Variants in LDB3 observed in about 807,000 individuals in gnomAD.
The protein encoded by LDB3 is LIM domain binding 3.
Under a neutral mutation model 69.0 loss-of-function variants are expected in LDB3, and 49 were observed. That is an observed-to-expected ratio of 0.71 (90% CI 0.56 to 0.90). The LOEUF (loss-of-function observed/expected upper bound fraction) is 0.90. Ranked by LOEUF, LDB3 falls within the 40% of genes least tolerant of loss-of-function variation. The probability of loss-of-function intolerance (pLI) is 0.00; values close to 1 mark genes in which losing one functional copy is unlikely to be tolerated. For missense variants in LDB3, 928 were observed against 974.1 expected, an observed-to-expected ratio of 0.95 and a Z score of 0.63; for synonymous variants, 387 against 396.2, an observed-to-expected ratio of 0.98 and a Z score of 0.28.
intron 8 of LDB3, among the ~76,000 whole-genome samples, chr10:86,707,608 C>T (rs538510478): frequency 6.6e-6 from 1 of 152,296 alleles, no homozygotes; most frequent in East Asian, 1.9e-4. Flanking sequence ...TGTTTGGGGT[C>T]AGAGCCCAGG....
At position 86,699,727 on chromosome 10, in the gene LDB3, G is replaced by A. The variant is rs956728844; in HGVS notation, c.897-6804G>A. On this transcript the variant is annotated intron_variant, in intron 7 of 13. Coordinates refer to ENST00000361373, the MANE Select transcript of LDB3 (RefSeq NM_007078.3). The surrounding 1 kb of genome is among the most constrained non-coding windows in gnomAD (Gnocchi z 4.9). ...CAGAACCAAGGGAAATGGATGGGCCGCTGCTCAGTTTCCCACCATCCTCAG... is the reference window on the plus strand; with the variant it reads ...CAGAACCAAGGGAAATGGATGGGCCACTGCTCAGTTTCCCACCATCCTCAG... 56 of 1,140,546 alleles carry A rather than the reference G, an allele frequency of 4.9e-5. No individual in the cohort carries two copies. Among genetic ancestry groups the A allele is most frequent in the South Asian group, 2.2e-4 (10 of 44,808 alleles). The allele number at this position is 1,140,546 out of a possible 1,614,324, so 70.7% of individuals were successfully genotyped here. A position where few individuals can be genotyped will look rare whatever the true frequency, so the allele number is the denominator to read the frequency against.
chr10:86,728,163 C>T (rs1248855692), intron 13 of LDB3, among the ~76,000 whole-genome samples: 2 of 152,116 alleles, frequency 1.3e-5, no homozygotes, highest in East Asian at 1.9e-4. Context: ...CTTGTCTAGT[C>T]CTGAGGCACT....
intron 2 of LDB3, among the ~76,000 whole-genome samples, chr10:86,676,239 G>A (rs568687404): frequency 4.6e-5 from 7 of 152,240 alleles, no homozygotes; most frequent in East Asian, 1.9e-4. Flanking sequence ...GGGAAGGGGC[G>A]CTGTGGGCAC....
intron 11 of LDB3, 138 bp from the exon 12 acceptor site, chr10:86,718,576 TGGGTCTTTCTTCA>T (rs886425354): frequency 4.6e-4 from 467 of 1,020,322 alleles, no homozygotes; most frequent in Non-Finnish European, 5.3e-4. Context: ...CTGACACCCC[TGGGTCTTTCTTCA>T]GAGTGACCAA....
intron 5 of LDB3, among the ~76,000 whole-genome samples, chr10:86,684,611 G>A (rs939643044): frequency 1.3e-5 from 2 of 152,248 alleles, no homozygotes; most frequent in African/African-American, 4.8e-5. Flanking sequence ...CGGGCCTGGG[G>A]CAGAGCAGGG....
At chr10:86,680,344 C>A (rs1164757450) in intron 4 of LDB3, among the ~76,000 whole-genome samples, 187 bp downstream of exon 4, 1 of 152,224 alleles carries the variant, frequency 6.6e-6, no homozygotes, top group African/African-American at 2.4e-5. Flanking sequence ...GACTTTCAAG[C>A]CCCTGTTGAA....
Position 86,679,497 on chromosome 10 carries a change from A to T in LDB3, c.224A>T (p.Asn75Ile). 6.2e-7 allele frequency: 1 copy of T among 1,614,060 alleles called. No homozygotes were observed. The highest frequency in any genetic ancestry group is 8.5e-7 in the Non-Finnish European group (1 of 1,180,030). ...AQNKIKSASYNLSLTLQKSKR... is the reference protein window; with the variant it reads ...AQNKIKSASYILSLTLQKSKR... Reference sequence around the variant, plus strand: ...AACAAGATCAAGTCTGCCAGCTACAACTTGAGCCTCACCCTGCAGAAGTAG... The same window carrying T: ...AACAAGATCAAGTCTGCCAGCTACATCTTGAGCCTCACCCTGCAGAAGTAG... Residue 75 changes from asparagine (N) to isoleucine (I), a missense_variant, in exon 3 of 14, where the codon AAC (asparagine) becomes ATC (isoleucine). Coordinates refer to ENST00000361373, the MANE Select transcript of LDB3 (RefSeq NM_007078.3).
rs1057473707 is a variant in LDB3 at position 86,735,789 on chromosome 10, A to T, written c.*2813A>T. The T allele has an allele frequency of 2.0e-5, 3 of 151,722 alleles. No individual in the cohort carries two copies. The highest frequency in any genetic ancestry group is 7.3e-5 in the African/African-American group (3 of 41,338). 9.4% of individuals were successfully genotyped at this position (151,722 alleles called of 1,614,324 possible). Reference sequence around the variant, plus strand: ...AGCGAAACTCCGTTGCAAAAAAAAAAAAAAAAAAAAAATTATAATCACAAC... The same window carrying T: ...AGCGAAACTCCGTTGCAAAAAAAAATAAAAAAAAAAAATTATAATCACAAC... On this transcript the variant is annotated 3_prime_UTR_variant, in exon 14 of 14. Transcript: ENST00000361373.
chr10:86,699,818 C>T lies in LDB3; in HGVS notation c.897-6713C>T. On this transcript the variant is annotated intron_variant, in intron 7 of 13. Coordinates refer to ENST00000361373, the MANE Select transcript of LDB3 (RefSeq NM_007078.3). The surrounding 1 kb of genome is among the most constrained non-coding windows in gnomAD (Gnocchi z 4.9). The stretch of plus-strand genomic sequence containing the variant: ...TCAGGGTCTGGGGAAGAGGCTGATC[C>T]CTGGCGCTGCCCGGCTCCCTCGCTG... 9.7e-7 allele frequency: 1 copy of T among 1,029,960 alleles called. No individual in the cohort carries two copies. Among genetic ancestry groups the T allele is most frequent in the Non-Finnish European group, 1.2e-6 (1 of 856,814 alleles). 63.8% of individuals were successfully genotyped at this position (1,029,960 alleles called of 1,614,324 possible). A position where few individuals can be genotyped will look rare whatever the true frequency, so the allele number is the denominator to read the frequency against.
In LDB3 at chr10:86,691,911, G is replaced by C. The variant is rs1210628207; in HGVS notation, c.705G>C (p.Lys235Asn). The change falls in exon 6 of 14, where the codon AAG becomes AAC. Residue 235 changes from lysine to asparagine, a missense_variant. Transcript: ENST00000361373. Reference sequence around the variant, plus strand: ...TGCATTACAGGAGCCTCCCTATTAAGGACCTTGCCGTAGACAGCGCCTCTC... The same window carrying C: ...TGCATTACAGGAGCCTCCCTATTAACGACCTTGCCGTAGACAGCGCCTCTC... ...VGLPGGSLPI[K>N]DLAVDSASPV... The C allele has an allele frequency of 1.2e-6, 2 of 1,614,042 alleles. No individual in the cohort carries two copies. Among genetic ancestry groups the C allele is most frequent in the Non-Finnish European group, 1.7e-6 (2 of 1,180,046 alleles).
chr10:86,673,821 AGG>A (rs1293547487), intron 2 of LDB3, among the ~76,000 whole-genome samples: 1 of 152,192 alleles, frequency 6.6e-6, no homozygotes, highest in Admixed American at 6.5e-5. Context: ...AAGAGGAGGA[AGG>A]CAGGGGCCTG....
chr10:86,693,323 TC>T (rs1338922704), intron 7 of LDB3, among the ~76,000 whole-genome samples: 1 of 152,160 alleles, frequency 6.6e-6, no homozygotes, highest in Admixed American at 6.5e-5. Context: ...TATGTACACT[TC>T]CGGTAGCAAA....
chr10:86,680,614 G>T (rs1173394130), intron 4 of LDB3, among the ~76,000 whole-genome samples: 4 of 152,208 alleles, frequency 2.6e-5, no homozygotes, highest in African/African-American at 9.7e-5. Flanking sequence ...CTCTCCCTCT[G>T]GTTTCCACTT....
intron 5 of LDB3, among the ~76,000 whole-genome samples, chr10:86,686,283 C>G (rs1027605156): frequency 6.6e-6 from 1 of 152,226 alleles, no homozygotes; most frequent in Non-Finnish European, 1.5e-5. Flanking sequence ...AGCCCCTTCA[C>G]GGAGAAACCT....
intron 5 of LDB3, among the ~76,000 whole-genome samples, chr10:86,683,867 G>A (rs1335712588): frequency 1.3e-5 from 2 of 152,248 alleles, no homozygotes; most frequent in Non-Finnish European, 2.9e-5. Flanking sequence ...TTAGACTCAT[G>A]ACCCGTTCAG....
chr10:86,701,106 A>G (rs2132446538), intron 7 of LDB3, among the ~76,000 whole-genome samples: 1 of 152,150 alleles, frequency 6.6e-6, no homozygotes, highest in East Asian at 1.9e-4. Context: ...CCCCCTGCCA[A>G]CCTATTCTGG....
At chr10:86,701,958 G>A (rs938437092) in intron 7 of LDB3, among the ~76,000 whole-genome samples, 7 of 152,176 alleles carry the variant, frequency 4.6e-5, no homozygotes, top group Non-Finnish European at 7.4e-5. Flanking sequence ...TCACACTATA[G>A]CTGATGAGGT....
intron 5 of LDB3, among the ~76,000 whole-genome samples, chr10:86,687,467 T>C (rs934503317): frequency 1.3e-5 from 2 of 152,242 alleles, no homozygotes; most frequent in African/African-American, 2.4e-5. Context: ...CATGGTCAGC[T>C]TTAGGAGAAG....
intron 4 of LDB3, among the ~76,000 whole-genome samples, chr10:86,680,883 CA>C (rs1255280326): frequency 2.0e-5 from 3 of 152,216 alleles, no homozygotes; most frequent in Admixed American, 6.5e-5. Context: ...AAGAGGCTGA[CA>C]GGGGTGGGGT....
Sources: allele counts gnomAD v4.1 joint callset (sites outside exome capture counted in the v4.1 genomes callset), GRCh38; gene constraint gnomAD v4.1.1; non-coding constraint Gnocchi (gnomAD v3.1); transcripts MANE v1.5; gene names NCBI Gene and HGNC (gene_info 2026-07-23, HGNC 2026-07-21).